Variants in PIGK observed in about 807,000 individuals in gnomAD.
The protein encoded by PIGK is phosphatidylinositol glycan anchor biosynthesis class K, also known as GPI-anchor transamidase.
Under a neutral mutation model 50.6 loss-of-function variants are expected in PIGK, and 42 were observed. The ratio of observed to expected loss-of-function variants is 0.83; its 90% CI spans 0.65 to 1.07. The LOEUF is 1.07. Among genes scored for constraint, PIGK ranks in the 50% least tolerant of loss-of-function variants. PIGK has a pLI of 0.00. For synonymous variants in PIGK, 151 were observed against 156.0 expected, an observed-to-expected ratio of 0.97 and a Z score of 0.24; for missense variants, 448 against 488.7, an observed-to-expected ratio of 0.92 and a Z score of 0.78.
intron 8 of PIGK, among the ~76,000 whole-genome samples, chr1:77,160,251 T>G (rs981769551): frequency 5.9e-5 from 9 of 152,214 alleles, no homozygotes; most frequent in Non-Finnish European, 1.3e-4. Context: ...TCCTCAGCCA[T>G]GTGGAACTGT....
At chr1:77,184,830 T>C (rs1388113539) in intron 3 of PIGK, among the ~76,000 whole-genome samples, 1 of 152,118 alleles carries the variant, frequency 6.6e-6, no homozygotes, top group Non-Finnish European at 1.5e-5. Context: ...ATGGAAGCCA[T>C]TAGAGCTGCC....
intron 8 of PIGK, among the ~76,000 whole-genome samples, chr1:77,158,446 T>C (rs1429481298): frequency 6.6e-6 from 1 of 152,050 alleles, no homozygotes; most frequent in African/African-American, 2.4e-5. Context: ...CCCGAAAATG[T>C]GGAAGTAACT....
chr1:77,142,996 C>T (rs1654684140), intron 9 of PIGK, among the ~76,000 whole-genome samples: 1 of 151,996 alleles, frequency 6.6e-6, no homozygotes, highest in African/African-American at 2.4e-5. Flanking sequence ...ATTTGAAAAC[C>T]CAGTAGCAAG....
chr1:77,152,162 C>T (rs551779808), intron 9 of PIGK, among the ~76,000 whole-genome samples: 5 of 152,118 alleles, frequency 3.3e-5, no homozygotes, highest in African/African-American at 1.2e-4. Flanking sequence ...GACACACAGA[C>T]CAATGGAACA....
chr1:77,203,278 T>A (rs1290223256), intron 3 of PIGK, among the ~76,000 whole-genome samples: 3 of 152,210 alleles, frequency 2.0e-5, no homozygotes, highest in Non-Finnish European at 2.9e-5. Flanking sequence ...TTCTTCATCT[T>A]AATCATACTA....
At chr1:77,122,453 A>G in intron 9 of PIGK, 94 bp from the exon 10 acceptor site, 1 of 705,944 alleles carries the variant, frequency 1.4e-6, no homozygotes. Context: ...ATATAGTAAA[A>G]TGCATAGATT....
At chr1:77,153,644 A>G (rs1557807784) in intron 9 of PIGK, 1 of 151,474 alleles carries the variant, frequency 6.6e-6, no homozygotes, top group African/African-American at 2.4e-5. Context: ...AAAAAAAAAG[A>G]AACTGTTGTA....
rs150088659 is a variant in PIGK at position 77,171,724 on chromosome 1, G to C, written c.240-2329C>G. Among the ~76,000 whole-genome samples the C allele has an allele frequency of 2.1e-3, 323 of 152,092 alleles. 1 individual carries two copies. Among genetic ancestry groups the C allele is most frequent in the African/African-American group, 7.1e-3 (296 of 41,518 alleles). ...AAAAGAGAAGTTGGGAAACAGAATG[G>C]ATTTCAAACGTTTTGAAGTCCAACC... On this transcript the variant is annotated intron_variant, in intron 3 of 10. Coordinates refer to ENST00000370812, the MANE Select transcript of PIGK (RefSeq NM_005482.3).
chr1:77,215,218 T>C (rs531434347), intron 1 of PIGK, among the ~76,000 whole-genome samples: 6 of 152,136 alleles, frequency 3.9e-5, no homozygotes, highest in Admixed American at 2.0e-4. Flanking sequence ...CTCAAACTTA[T>C]GCTAACAGCA....
rs561002118 is a variant in PIGK, at chr1:77,203,669, C to T, written c.239+2971G>A. ...TAATGCTGGGGGAAGTCAGGGACCC[C>T]GAACAGAGGGACCAGCTGAAGCCAC... On this transcript the variant is annotated intron_variant, in intron 3 of 10. Coordinates refer to ENST00000370812, the MANE Select transcript of PIGK (RefSeq NM_005482.3). Among the ~76,000 whole-genome samples, 41 of 152,210 alleles carry T rather than the reference C, an allele frequency of 2.7e-4. No individual in the cohort carries two copies. The East Asian group carries it at 4.8e-3, about 18-fold the overall frequency.
intron 3 of PIGK, among the ~76,000 whole-genome samples, chr1:77,190,858 G>A (rs1231656734): frequency 1.3e-5 from 2 of 152,110 alleles, no homozygotes; most frequent in African/African-American, 2.4e-5. Context: ...ATGTGTACCA[G>A]TAGCCTACAC....
chr1:77,148,721 G>GTTT (rs35128622), intron 9 of PIGK, among the ~76,000 whole-genome samples: 33 of 144,896 alleles, frequency 2.3e-4, no homozygotes, highest in African/African-American at 5.0e-4. Flanking sequence ...TTGTTTTTTG[G>GTTT]TTTTTTTTTT....
intron 5 of PIGK, among the ~76,000 whole-genome samples, chr1:77,164,581 G>C (rs569865951): frequency 1.3e-5 from 2 of 152,110 alleles, no homozygotes; most frequent in African/African-American, 4.8e-5. Context: ...CTTCCTCTTG[G>C]ATACATGCAG....
intron 10 of PIGK, 42 bp downstream of exon 10, chr1:77,122,233 A>T: frequency 7.8e-7 from 1 of 1,281,274 alleles, no homozygotes; most frequent in Non-Finnish European, 1.1e-6. Context: ...CTCAGCGATT[A>T]AAAATCTTGT....
At chr1:77,122,060 G>GT (rs1305548197) in intron 10 of PIGK, among the ~76,000 whole-genome samples, 2 of 152,054 alleles carry the variant, frequency 1.3e-5, no homozygotes, top group Non-Finnish European at 2.9e-5. Flanking sequence ...CATATTTTAT[G>GT]TAAGTAAGAA....
At chr1:77,137,241 T>A (rs839819) in intron 9 of PIGK, among the ~76,000 whole-genome samples, 5,591 of 152,046 alleles carry the variant, frequency 0.037, 270 homozygotes, top group African/African-American at 0.11. Context: ...ATAGCCAAAA[T>A]CAGAAGTCAC....
intron 1 of PIGK, among the ~76,000 whole-genome samples, chr1:77,214,264 T>C (rs1015263257): frequency 2.6e-5 from 4 of 152,056 alleles, no homozygotes; most frequent in Admixed American, 6.6e-5. Context: ...GTGATGAACA[T>C]AGATGCAAAA....
intron 3 of PIGK, among the ~76,000 whole-genome samples, chr1:77,194,552 C>G (rs1244235814): frequency 2.9e-4 from 43 of 147,986 alleles, no homozygotes. Context: ...AACCAAATGC[C>G]ACATGTTCTC....
intron 3 of PIGK, among the ~76,000 whole-genome samples, 159 bp from the exon 4 acceptor site, chr1:77,169,554 C>A (rs1655313857): frequency 6.7e-6 from 1 of 149,902 alleles, no homozygotes. Flanking sequence ...TTTTTCATAT[C>A]CTTGTGTACT....
Sources: gnomAD v4.1 joint callset for allele counts (sites outside exome capture counted in the v4.1 genomes callset) on GRCh38, gnomAD v4.1.1 for gene constraint, MANE v1.5 for transcripts, NCBI Gene and HGNC (gene_info 2026-07-23, HGNC 2026-07-21) for gene names.